The following PCDHA11 variants were observed in gnomAD, a reference collection of about 807,000 sequenced individuals.
The protein encoded by PCDHA11 is protocadherin alpha 11.
Under a neutral mutation model 70.3 loss-of-function variants are expected in PCDHA11, and 61 were observed. That is an observed-to-expected ratio of 0.87 (90% confidence interval 0.71 to 1.07). The LOEUF is 1.07. PCDHA11 is among the 50% of genes least tolerant of loss of function. PCDHA11 has a pLI of 0.00. For synonymous variants in PCDHA11, 633 were observed against 555.1 expected, an observed-to-expected ratio of 1.14 and a Z score of -1.97; for missense variants, 1,324 against 1,237.5, an observed-to-expected ratio of 1.07 and a Z score of -1.05.
At chr5:140,897,591 T>C (rs542451957) in intron 1 of PCDHA11, among the ~76,000 whole-genome samples, 1 of 152,312 alleles carries the variant, frequency 6.6e-6, no homozygotes, top group African/African-American at 2.4e-5. Flanking sequence ...TCTGTCATTG[T>C]TGGACATTTG....
Position 140,903,378 on chromosome 5 carries a change from G to T in PCDHA11, c.2391+31884G>T, listed in dbSNP as rs938741904. Among the ~76,000 whole-genome samples, 3 of 152,196 alleles carry T rather than the reference G, an allele frequency of 2.0e-5. No homozygotes were observed. In the South Asian group the frequency reaches 6.2e-4, roughly 32 times the overall value. On this transcript the variant is annotated intron_variant, in intron 1 of 3. Coordinates refer to ENST00000398640, the MANE Select transcript of PCDHA11 (RefSeq NM_018902.5). Reference sequence around the variant, plus strand: ...GTTTTTCAAAAATATAGGGAGGATTGTGGTTACTTCTAGAAACAGTAGTGC... The same window carrying T: ...GTTTTTCAAAAATATAGGGAGGATTTTGGTTACTTCTAGAAACAGTAGTGC...
At chr5:140,883,675 G>T (rs782140381) in intron 1 of PCDHA11, 5 of 1,613,894 alleles carry the variant, frequency 3.1e-6, no homozygotes, top group Non-Finnish European at 4.2e-6. Context: ...AAAACAATCC[G>T]CCGGGCTGCC....
chr5:140,978,860 A>G, intron 1 of PCDHA11, 89 bp from the exon 2 acceptor site: 1 of 1,598,356 alleles, frequency 6.3e-7, no homozygotes, highest in African/African-American at 1.3e-5. Context: ...GCCTGGAAAT[A>G]TTTAAGGGAG....
rs202137231 is a variant in PCDHA11 at position 140,871,103 on chromosome 5, C to A, written c.2000C>A (p.Ser667Ter). Reference sequence around the variant, plus strand: ...ACGGCCACGGCCACCGTGCTGGTGTCGTTGGTGGAGAGCGGACAGGCGCCA... The same window carrying A: ...ACGGCCACGGCCACCGTGCTGGTGTAGTTGGTGGAGAGCGGACAGGCGCCA... ...ALTATATVLV[S>*]LVESGQAPKA... The change falls in exon 1 of 4, where the codon TCG (serine) becomes TAG (stop). Residue 667 changes from serine (S) to a stop codon, truncating the protein, a stop_gained. Transcript: ENST00000398640. LOFTEE classifies it high-confidence loss of function. 29 of 1,613,172 alleles carry A rather than the reference C, an allele frequency of 1.8e-5. No individual in the cohort carries two copies. The highest frequency in any genetic ancestry group is 1.2e-4 in the South Asian group (11 of 91,078).
chr5:140,877,782 GGCCTTCAGCCCAA>G, intron 1 of PCDHA11: 1 of 1,614,154 alleles, frequency 6.2e-7, no homozygotes, highest in Non-Finnish European at 8.5e-7. Context: ...CGGACCTCAT[GGCCTTCAGCCCAA>G]GCCTTCAGCT....
chr5:140,950,536 T>A (rs182006309), intron 1 of PCDHA11, among the ~76,000 whole-genome samples: 1 of 152,222 alleles, frequency 6.6e-6, no homozygotes, highest in East Asian at 1.9e-4. Flanking sequence ...TTTTTGTTGC[T>A]CTTGCATGGC....
intron 1 of PCDHA11, among the ~76,000 whole-genome samples, chr5:140,949,264 G>A (rs139292588): frequency 4.5e-4 from 69 of 151,784 alleles, no homozygotes; most frequent in Admixed American, 2.4e-3. Flanking sequence ...AACATATCAC[G>A]TGCACTTGAA....
At chr5:140,884,585 A>C in intron 1 of PCDHA11, 2 of 1,614,190 alleles carry the variant, frequency 1.2e-6, no homozygotes, top group Non-Finnish European at 1.7e-6. Context: ...CATGGCCTTC[A>C]GTCCCAGCCT....
rs1554262229 is a variant in PCDHA11, at chr5:141,009,613, G to A, written c.2540-14G>A. ...GTTGACCCTGTTAATGATTTGTAATGTTTTGTCTTTCAGAACCAGAGGCAG... is the reference window on the plus strand; with the variant it reads ...GTTGACCCTGTTAATGATTTGTAATATTTTGTCTTTCAGAACCAGAGGCAG... On this transcript the variant is annotated splice_polypyrimidine_tract_variant and intron_variant, in intron 3 of 3. Coordinates refer to ENST00000398640, the MANE Select transcript of PCDHA11 (RefSeq NM_018902.5). The A allele has an allele frequency of 6.2e-7, 1 of 1,611,932 alleles. No individual in the cohort carries two copies. Among genetic ancestry groups the A allele is most frequent in the Non-Finnish European group, 8.5e-7 (1 of 1,178,618 alleles).
chr5:140,910,371 A>G (rs2153514600), intron 1 of PCDHA11, among the ~76,000 whole-genome samples: 1 of 152,246 alleles, frequency 6.6e-6, no homozygotes, highest in South Asian at 2.1e-4. Flanking sequence ...AGCTATGCCC[A>G]CCTTGCCTTT....
chr5:140,968,373 C>T (rs1554230649), intron 1 of PCDHA11: 1 of 1,614,034 alleles, frequency 6.2e-7, no homozygotes, highest in African/African-American at 1.3e-5. Context: ...GCTGTCAACT[C>T]CTTTGACTAT....
At chr5:140,871,804 T>C (rs538101432) in intron 1 of PCDHA11, among the ~76,000 whole-genome samples, 75 of 152,364 alleles carry the variant, frequency 4.9e-4, no homozygotes, top group Non-Finnish European at 7.9e-4. Flanking sequence ...ATTACTATTT[T>C]CACTAAAGTA....
intron 1 of PCDHA11, 139 bp from the exon 2 acceptor site, chr5:140,978,808 TAG>T: frequency 6.7e-7 from 1 of 1,496,146 alleles, no homozygotes; most frequent in Non-Finnish European, 8.9e-7. Flanking sequence ...GATATCATCA[TAG>T]AGTTACACAT....
chr5:141,002,333 G>T (rs782123745), intron 3 of PCDHA11, among the ~76,000 whole-genome samples: 1 of 152,196 alleles, frequency 6.6e-6, no homozygotes, highest in African/African-American at 2.4e-5. Context: ...GGCTGCATCC[G>T]CACCCCTTCC....
chr5:140,877,582 A>G, intron 1 of PCDHA11: 1 of 1,613,772 alleles, frequency 6.2e-7, no homozygotes, highest in East Asian at 2.2e-5. Context: ...CATCATCGCC[A>G]TCTGTGCGGT....
intron 1 of PCDHA11, among the ~76,000 whole-genome samples, chr5:140,925,996 T>C (rs2082856637): frequency 6.6e-6 from 1 of 152,190 alleles, no homozygotes; most frequent in Non-Finnish European, 1.5e-5. Context: ...CTGGCTCCGC[T>C]GCCTCGAAAA....
At chr5:140,978,922 C>A (rs569091265) in intron 1 of PCDHA11, 27 bp from the exon 2 acceptor site, 7 of 1,613,966 alleles carry the variant, frequency 4.3e-6, no homozygotes, top group Non-Finnish European at 5.1e-6. Context: ...GTCATTTTAA[C>A]AGAAAACTCT....
chr5:140,876,165 C>A, intron 1 of PCDHA11: 3 of 1,613,944 alleles, frequency 1.9e-6, no homozygotes, highest in Non-Finnish European at 2.5e-6. Flanking sequence ...TTCAAATAAC[C>A]GTCCTGGATG....
chr5:140,887,052 G>A (rs1187906559), intron 1 of PCDHA11, among the ~76,000 whole-genome samples: 1 of 151,228 alleles, frequency 6.6e-6, no homozygotes, highest in Non-Finnish European at 1.5e-5. Flanking sequence ...TAGTGCATAT[G>A]TTCTGGCAAC....
Sources: allele counts gnomAD v4.1 joint callset (sites outside exome capture counted in the v4.1 genomes callset), GRCh38; gene constraint gnomAD v4.1.1; transcripts MANE v1.5; gene names NCBI Gene and HGNC (gene_info 2026-07-23, HGNC 2026-07-21).